Variants in TBPL2 observed in about 807,000 individuals in gnomAD.
The protein encoded by TBPL2 is TATA-box binding protein like 2.
A neutral mutation model predicts 38.2 loss-of-function variants in TBPL2; 40 were observed. That is an observed-to-expected ratio of 1.05 (90% CI 0.81 to 1.36). The LOEUF (loss-of-function observed/expected upper bound fraction) is 1.36, where lower values mean the gene tolerates loss of function less well. Among genes scored for constraint, TBPL2 ranks in the 40% most tolerant of loss-of-function variants. The pLI is 0.00. For synonymous variants in TBPL2, 169 were observed against 171.7 expected, an observed-to-expected ratio of 0.98 and a Z score of 0.12; for missense variants, 461 against 456.7, an observed-to-expected ratio of 1.01 and a Z score of -0.09.
intron 2 of TBPL2, 35 bp downstream of exon 2, chr14:55,436,526 C>A (rs1192647434): frequency 1.3e-6 from 2 of 1,557,880 alleles, no homozygotes; most frequent in Admixed American, 3.4e-5. Flanking sequence ...AATGTGTACC[C>A]AATGTGCTCA....
intron 6 of TBPL2, among the ~76,000 whole-genome samples, chr14:55,417,271 GTA>G (rs1397437612): frequency 6.6e-6 from 1 of 152,052 alleles, no homozygotes; most frequent in African/African-American, 2.4e-5. Flanking sequence ...AACATTGCCA[GTA>G]TTTGTAACAG....
Position 55,436,499 on chromosome 14 carries a change from C to T in TBPL2, c.608+62G>A, listed in dbSNP as rs1027884813. 9 of 1,370,348 alleles carry T rather than the reference C, an allele frequency of 6.6e-6. No homozygotes were observed. The Admixed American group carries it at 7.8e-5, about 12-fold the overall frequency. 84.9% of individuals were successfully genotyped at this position (1,370,348 alleles called of 1,614,324 possible). A position where few individuals can be genotyped will look rare whatever the true frequency, so the allele number is the denominator to read the frequency against. On this transcript the variant is annotated intron_variant, in intron 2 of 6. Coordinates refer to ENST00000247219, the Ensembl canonical transcript of TBPL2. ...CTATTATCCTGAAATTAGTTGTCAT[C>T]GCATTCAGGAATATAAAATGTGTAC...
chr14:55,420,015 C>G (rs137998803), intron 6 of TBPL2, among the ~76,000 whole-genome samples: 2 of 152,166 alleles, frequency 1.3e-5, no homozygotes, highest in Non-Finnish European at 2.9e-5. Context: ...GAAAGGAGAC[C>G]GCCTTGGTTC....
chr14:55,432,282 G>C (rs1250956056), intron 4 of TBPL2, among the ~76,000 whole-genome samples: 3 of 150,458 alleles, frequency 2.0e-5, no homozygotes, highest in Non-Finnish European at 4.4e-5. Flanking sequence ...GCCTGGTGGT[G>C]CATACCTGTG....
intron 1 of TBPL2, among the ~76,000 whole-genome samples, chr14:55,438,606 TAC>T (rs1886053868): frequency 6.6e-6 from 1 of 152,276 alleles, no homozygotes; most frequent in East Asian, 1.9e-4. Context: ...GGAACAAAGC[TAC>T]ACGTACACAA....
intron 6 of TBPL2, among the ~76,000 whole-genome samples, chr14:55,420,798 T>G (rs1416775565): frequency 2.0e-5 from 3 of 152,010 alleles, no homozygotes; most frequent in Non-Finnish European, 4.4e-5. Flanking sequence ...GGTGGCTCAC[T>G]CCTGTAATCC....
chr14:55,437,075 A>G, intron 1 of TBPL2, 57 bp from the exon 2 acceptor site: 1 of 1,476,612 alleles, frequency 6.8e-7, no homozygotes, highest in Non-Finnish European at 9.4e-7. Context: ...AGCATGTTAC[A>G]CAAAAGGGAT....
At chr14:55,428,864 T>A in exon 5 of TBPL2, 2 of 1,614,198 alleles carry the variant, frequency 1.2e-6, no homozygotes, top group Non-Finnish European at 1.7e-6. Context: ...AAATCTCACA[T>A]CACAGCTTCC....
chr14:55,426,367 G>A (rs1885824471), intron 5 of TBPL2, among the ~76,000 whole-genome samples: 1 of 152,118 alleles, frequency 6.6e-6, no homozygotes, highest in Admixed American at 6.6e-5. Context: ...AAAGTGCCTG[G>A]TAACAAAAGG....
At chr14:55,426,288 TA>T (rs1885822506) in intron 5 of TBPL2, among the ~76,000 whole-genome samples, 1 of 150,340 alleles carries the variant, frequency 6.7e-6, no homozygotes, top group African/African-American at 2.4e-5. Context: ...AATAAATAAA[TA>T]AAATAAAGAG....
At chr14:55,434,253 A>C (rs1184204504) in intron 3 of TBPL2, among the ~76,000 whole-genome samples, 1 of 152,206 alleles carries the variant, frequency 6.6e-6, no homozygotes, top group African/African-American at 2.4e-5. Flanking sequence ...AATGACAGAA[A>C]GTTGATGTCA....
At chr14:55,424,418 A>G (rs907043625) in intron 5 of TBPL2, among the ~76,000 whole-genome samples, 165 bp from the exon 6 acceptor site, 1 of 152,238 alleles carries the variant, frequency 6.6e-6, no homozygotes, top group Non-Finnish European at 1.5e-5. Flanking sequence ...TGAGTGTCCT[A>G]GGTAATATCT....
intron 4 of TBPL2, among the ~76,000 whole-genome samples, chr14:55,432,977 G>A (rs1257900444): frequency 6.6e-6 from 1 of 152,090 alleles, no homozygotes; most frequent in Non-Finnish European, 1.5e-5. Flanking sequence ...CTGCAATGAG[G>A]AAAATCCACA....
At chr14:55,421,128 T>C (rs1470335718) in intron 6 of TBPL2, among the ~76,000 whole-genome samples, 1 of 151,808 alleles carries the variant, frequency 6.6e-6, no homozygotes. Flanking sequence ...ATTAAGGGCA[T>C]TTAAAGAAAT....
At chr14:55,428,899 G>T (rs149307233) in exon 5 of TBPL2, 2 of 1,613,952 alleles carry the variant, frequency 1.2e-6, no homozygotes, top group African/African-American at 2.7e-5. Flanking sequence ...TTTTAAAATC[G>T]AGGAATCTGG....
At chr14:55,437,508 T>G (rs1435161038) in intron 1 of TBPL2, among the ~76,000 whole-genome samples, 1 of 152,186 alleles carries the variant, frequency 6.6e-6, no homozygotes, top group African/African-American at 2.4e-5. Flanking sequence ...TACAGCACAC[T>G]TAATGGAAAC....
chr14:55,439,613 A>ACCCCCCCCCCC lies in TBPL2; in HGVS notation c.150+782_150+783insGGGGGGGGGGG, dbSNP rs143930267. Among the ~76,000 whole-genome samples, 169 of 47,898 alleles carry ACCCCCCCCCCC rather than the reference A, an allele frequency of 3.5e-3. 26 individuals are homozygous for ACCCCCCCCCCC. The highest frequency in any genetic ancestry group is 4.7e-3 in the Non-Finnish European group (127 of 26,882). The allele number at this position is 47,898 out of a possible 152,430, so 31.4% of individuals were successfully genotyped here. A position where few individuals can be genotyped will look rare whatever the true frequency, so the allele number is the denominator to read the frequency against. On this transcript the variant is annotated intron_variant, in intron 1 of 6. Coordinates refer to ENST00000247219, the Ensembl canonical transcript of TBPL2. The stretch of plus-strand genomic sequence containing the variant: ...CAACACCAGCCTGGGGAGAAAAGCA[A>ACCCCCCCCCCC]ACCCCCCCCCGTCTCTACTAAAAAA...
chr14:55,422,443 G>GT (rs1885758690), intron 6 of TBPL2, among the ~76,000 whole-genome samples: 1 of 152,082 alleles, frequency 6.6e-6, no homozygotes, highest in Admixed American at 6.5e-5. Flanking sequence ...TAGAGACAGG[G>GT]TTTCACCATG....
chr14:55,429,044 G>T, intron 4 of TBPL2, 70 bp from the exon 5 acceptor site: 2 of 1,556,138 alleles, frequency 1.3e-6, no homozygotes, highest in South Asian at 2.3e-5. Context: ...TGTTGTATTG[G>T]ATTGTTACCA....
Sources: allele counts gnomAD v4.1 joint callset (sites outside exome capture counted in the v4.1 genomes callset), GRCh38; gene constraint gnomAD v4.1.1; transcripts MANE v1.5; gene names NCBI Gene and HGNC (gene_info 2026-07-23, HGNC 2026-07-21).